The following SNX29 variants were observed in gnomAD, a reference collection of about 807,000 sequenced individuals.
SNX29 encodes sorting nexin 29.
SNX29 carries 78 observed loss-of-function variants against 102.1 expected under a neutral mutation model. The ratio of observed to expected loss-of-function variants is 0.76; its 90% CI spans 0.64 to 0.92. The LOEUF (loss-of-function observed/expected upper bound fraction) is 0.92, where lower values mean the gene tolerates loss of function less well. Ranked by LOEUF, SNX29 falls within the 40% of genes least tolerant of loss-of-function variation. The pLI is 0.00. For missense variants in SNX29, 1,280 were observed against 1,061.7 expected, an observed-to-expected ratio of 1.21 and a Z score of -2.86; for synonymous variants, 580 against 414.5, an observed-to-expected ratio of 1.40 and a Z score of -4.85.
intron 19 of SNX29, among the ~76,000 whole-genome samples, chr16:12,500,249 C>T (rs533295602): frequency 6.6e-6 from 1 of 152,332 alleles, no homozygotes; most frequent in East Asian, 1.9e-4. Context: ...CCTCGTGCCT[C>T]AGTCTCCCAA....
chr16:12,138,870 G>C (rs1417136668), intron 13 of SNX29, among the ~76,000 whole-genome samples: 3 of 152,000 alleles, frequency 2.0e-5, no homozygotes, highest in Admixed American at 6.6e-5. Flanking sequence ...GTTCAAGAGA[G>C]TTTGAGTGGG....
chr16:12,365,365 T>TGTGTGTG (rs1555520355), intron 16 of SNX29, among the ~76,000 whole-genome samples: 1 of 151,084 alleles, frequency 6.6e-6, no homozygotes, highest in Non-Finnish European at 1.5e-5. Flanking sequence ...TGTGTGTGTG[T>TGTGTGTG]TTAGCATACT....
At chr16:12,391,985 C>T (rs756865229) in intron 16 of SNX29, among the ~76,000 whole-genome samples, 6 of 152,222 alleles carry the variant, frequency 3.9e-5, no homozygotes, top group Non-Finnish European at 8.8e-5. Flanking sequence ...TCTCCTCTGA[C>T]GCTTGCTTCT....
In SNX29 at chr16:12,114,108, G is replaced by A. The variant is rs78081511; in HGVS notation, c.1403-12525G>A. On this transcript the variant is annotated intron_variant, in intron 11 of 20. Transcript: ENST00000566228. ...GTATATCTCCCACCTTGCTGGCCAC[G>A]TTGCCTCCCGTGCCAACTCAGTGTA... Among the ~76,000 whole-genome samples, 1,255 of 152,252 alleles carry A rather than the reference G, an allele frequency of 8.2e-3. 17 individuals carry two copies. The highest frequency in any genetic ancestry group is 0.028 in the African/African-American group (1,178 of 41,556).
At chr16:12,415,716 G>A (rs1213039927) in intron 18 of SNX29, among the ~76,000 whole-genome samples, 1 of 152,134 alleles carries the variant, frequency 6.6e-6, no homozygotes, top group Non-Finnish European at 1.5e-5. Flanking sequence ...CTGACAGGTA[G>A]ATGGACTCTC....
At chr16:12,379,191 C>T (rs1437613214) in intron 16 of SNX29, among the ~76,000 whole-genome samples, 1 of 152,150 alleles carries the variant, frequency 6.6e-6, no homozygotes, top group Non-Finnish European at 1.5e-5. Flanking sequence ...TTTTCTCAAG[C>T]AGGGGTGTAG....
At position 12,572,585 on chromosome 16, in the gene SNX29, G is replaced by A. The variant is rs1184178183; in HGVS notation, c.*3956G>A. ...CAGGGAGGTCCAGCCATGTTCTCTG[G>A]GCTCCCAGTGAGCCCCCTCCCCTCC... On this transcript the variant is annotated 3_prime_UTR_variant, in exon 21 of 21. Transcript: ENST00000566228. 3 of 1,063,900 alleles carry A rather than the reference G, an allele frequency of 2.8e-6. No individual in the cohort carries two copies. The highest frequency in any genetic ancestry group is 3.4e-6 in the Non-Finnish European group (3 of 878,426). 65.9% of individuals were successfully genotyped at this position (1,063,900 alleles called of 1,614,324 possible). A position where few individuals can be genotyped will look rare whatever the true frequency, so the allele number is the denominator to read the frequency against.
chr16:12,215,348 G>A (rs2077294550), intron 14 of SNX29, among the ~76,000 whole-genome samples: 1 of 151,956 alleles, frequency 6.6e-6, no homozygotes, highest in South Asian at 2.1e-4. Flanking sequence ...TGTATAATGG[G>A]GCCAGACTCT....
intron 14 of SNX29, among the ~76,000 whole-genome samples, chr16:12,264,861 C>T (rs1474397295): frequency 6.6e-6 from 1 of 152,118 alleles, no homozygotes; most frequent in African/African-American, 2.4e-5. Context: ...CAGTTAACAG[C>T]CTGAGTGTGT....
chr16:12,333,779 C>A (rs1034604627), intron 15 of SNX29, among the ~76,000 whole-genome samples: 1 of 152,130 alleles, frequency 6.6e-6, no homozygotes, highest in East Asian at 1.9e-4. Flanking sequence ...GTCCTGGGGA[C>A]TGGGCAGGAA....
At chr16:12,521,517 C>G (rs1543784) in intron 19 of SNX29, among the ~76,000 whole-genome samples, 49,502 of 151,920 alleles carry the variant, frequency 0.33, 9,014 homozygotes, top group African/African-American at 0.48. Context: ...GTAGGAAGGA[C>G]CATCTCTGAT....
chr16:12,450,276 G>C (rs1340376917), intron 18 of SNX29, among the ~76,000 whole-genome samples: 1 of 152,232 alleles, frequency 6.6e-6, no homozygotes, highest in Non-Finnish European at 1.5e-5. Context: ...ACACTCAGTT[G>C]TGTGTTGAGA....
Position 12,359,061 on chromosome 16 carries a change from G to A in SNX29, c.1899+2782G>A, listed in dbSNP as rs186720392. 1.9e-3 allele frequency among the ~76,000 whole-genome samples: 297 copies of A among 152,332 alleles called. 2 individuals carry two copies. The highest frequency in any genetic ancestry group is 6.8e-3 in the African/African-American group (282 of 41,580). On this transcript the variant is annotated intron_variant, in intron 16 of 20. Transcript: ENST00000566228. ...GAGATCCGCATTTTATTGCTAGTGA[G>A]TCAGAAGTACAGGTAAAATAACCTG... is the stretch of plus-strand genomic sequence containing the variant.
chr16:12,250,856 C>G (rs1049322849), intron 14 of SNX29, among the ~76,000 whole-genome samples: 7 of 146,298 alleles, frequency 4.8e-5, no homozygotes, highest in Non-Finnish European at 1.0e-4. Context: ...TTCGTCTCTT[C>G]CCAGAGAGCT....
intron 18 of SNX29, among the ~76,000 whole-genome samples, chr16:12,451,597 C>G (rs1481390714): frequency 6.6e-6 from 1 of 152,228 alleles, no homozygotes; most frequent in African/African-American, 2.4e-5. Flanking sequence ...GGTGCGGTGG[C>G]TCACGCCTGT....
chr16:12,364,873 C>A (rs564426560), intron 16 of SNX29, among the ~76,000 whole-genome samples: 9 of 152,266 alleles, frequency 5.9e-5, no homozygotes, highest in Non-Finnish European at 1.2e-4. Flanking sequence ...TCGGCTCCTT[C>A]CCCACCACCT....
At chr16:12,360,603 C>G (rs2082273782) in intron 16 of SNX29, among the ~76,000 whole-genome samples, 1 of 152,106 alleles carries the variant, frequency 6.6e-6, no homozygotes, top group African/African-American at 2.4e-5. Flanking sequence ...ACACCAGACC[C>G]CATTTGTTTC....
chr16:12,084,215 G>A (rs1220041506), intron 11 of SNX29, among the ~76,000 whole-genome samples: 1 of 151,420 alleles, frequency 6.6e-6, no homozygotes, highest in Admixed American at 6.6e-5. Flanking sequence ...GCACGATCTC[G>A]GGTCACTGAA....
chr16:12,532,710 AAG>A (rs888249485), intron 20 of SNX29, among the ~76,000 whole-genome samples: 3 of 152,160 alleles, frequency 2.0e-5, no homozygotes, highest in African/African-American at 7.2e-5. Context: ...TGCCCAGGGA[AAG>A]AGAGGGCAGG....
Sources: gnomAD v4.1 joint callset for allele counts (sites outside exome capture counted in the v4.1 genomes callset) on GRCh38, gnomAD v4.1.1 for gene constraint, MANE v1.5 for transcripts, NCBI Gene and HGNC (gene_info 2026-07-23, HGNC 2026-07-21) for gene names.